The following WDR7 variants were observed in gnomAD, a reference collection of about 807,000 sequenced individuals.
The protein encoded by WDR7 is WD repeat domain 7.
In WDR7, 46 loss-of-function variants were observed where a neutral mutation model predicts 169.4. The ratio of observed to expected loss-of-function variants is 0.27; its 90% CI spans 0.21 to 0.35. WDR7 has a LOEUF of 0.35. WDR7 is among the 10% of genes least tolerant of loss of function. The pLI, the probability that WDR7 is intolerant of heterozygous loss-of-function variation, is 1.00. For missense variants in WDR7, 1,534 were observed against 1,859.3 expected (o/e 0.83, Z 3.22); for synonymous variants, 612 against 666.8 (o/e 0.92, Z 1.27).
At chr18:56,758,700 T>C (rs1390281646) in intron 15 of WDR7, among the ~76,000 whole-genome samples, 165 bp from the exon 16 acceptor site, 6 of 152,188 alleles carry the variant, frequency 3.9e-5, no homozygotes. Flanking sequence ...TGGAAAACGT[T>C]AATAGGTCCA....
At chr18:56,880,456 C>G (rs569247004) in intron 21 of WDR7, among the ~76,000 whole-genome samples, 29 of 152,254 alleles carry the variant, frequency 1.9e-4, no homozygotes, top group African/African-American at 6.3e-4. Flanking sequence ...AAGCTAGATT[C>G]AAGTTAAAGC....
intron 20 of WDR7, among the ~76,000 whole-genome samples, chr18:56,870,571 A>C (rs908391698): frequency 6.6e-6 from 1 of 152,228 alleles, no homozygotes; most frequent in Non-Finnish European, 1.5e-5. Flanking sequence ...TAGAATTAAC[A>C]TATTTGATTA....
At chr18:56,824,519 C>T (rs2045162121) in intron 20 of WDR7, among the ~76,000 whole-genome samples, 1 of 152,176 alleles carries the variant, frequency 6.6e-6, no homozygotes, top group South Asian at 2.1e-4. Context: ...ATATTTCAAG[C>T]AGCACTCCTT....
intron 16 of WDR7, among the ~76,000 whole-genome samples, chr18:56,765,250 A>G (rs1477720562): frequency 6.6e-6 from 1 of 151,994 alleles, no homozygotes. Context: ...GATTGTTGAT[A>G]TGGTTAGGTT....
intron 21 of WDR7, among the ~76,000 whole-genome samples, chr18:56,913,972 T>C (rs1031672432): frequency 2.6e-5 from 4 of 152,092 alleles, no homozygotes; most frequent in African/African-American, 7.2e-5. Context: ...GCTTTCAAGT[T>C]GAAAGCAGTC....
intron 1 of WDR7, among the ~76,000 whole-genome samples, chr18:56,668,989 T>C (rs2025078044): frequency 6.6e-6 from 1 of 152,086 alleles, no homozygotes; most frequent in Non-Finnish European, 1.5e-5. Context: ...CTTGATCTTA[T>C]GACATCTTTC....
intron 19 of WDR7, among the ~76,000 whole-genome samples, chr18:56,784,779 T>G (rs2145087568): frequency 6.6e-6 from 1 of 152,340 alleles, no homozygotes. Flanking sequence ...TTTCTGTTTA[T>G]GTATTATGTT....
chr18:56,974,281 G>C (rs778260524), intron 26 of WDR7, among the ~76,000 whole-genome samples: 18 of 151,584 alleles, frequency 1.2e-4, no homozygotes, highest in Non-Finnish European at 2.4e-4. Flanking sequence ...AGCACAACTA[G>C]CATTAGCACA....
intron 1 of WDR7, among the ~76,000 whole-genome samples, chr18:56,661,664 A>C (rs184700323): frequency 4.0e-4 from 61 of 152,308 alleles, no homozygotes; most frequent in South Asian, 1.2e-3. Context: ...CAAATAAGAA[A>C]GTATAATCTT....
At chr18:56,656,973 C>T (rs2024789927) in intron 1 of WDR7, among the ~76,000 whole-genome samples, 1 of 151,990 alleles carries the variant, frequency 6.6e-6, no homozygotes, top group African/African-American at 2.4e-5. Flanking sequence ...CAAGAAAATG[C>T]TATTGATTTT....
chr18:56,708,405 A>G (rs866625068), intron 12 of WDR7, among the ~76,000 whole-genome samples: 10 of 152,184 alleles, frequency 6.6e-5, no homozygotes, highest in Admixed American at 2.6e-4. Context: ...CAGATTAAAA[A>G]TCGCTTGGTC....
intron 26 of WDR7, among the ~76,000 whole-genome samples, chr18:56,967,335 G>A (rs1568291306): frequency 6.6e-6 from 1 of 152,018 alleles, no homozygotes; most frequent in Non-Finnish European, 1.5e-5. Flanking sequence ...CTGCTGTGCT[G>A]CTGACTGTGC....
intron 14 of WDR7, among the ~76,000 whole-genome samples, chr18:56,749,055 T>TA (rs1193179126): frequency 6.6e-6 from 1 of 152,046 alleles, no homozygotes; most frequent in African/African-American, 2.4e-5. Context: ...CTTAGCTATT[T>TA]AAAAATTACA....
chr18:56,916,799 A>C (rs2046633942), intron 21 of WDR7, among the ~76,000 whole-genome samples: 1 of 152,190 alleles, frequency 6.6e-6, no homozygotes, highest in African/African-American at 2.4e-5. Flanking sequence ...TGTAGTGATT[A>C]AAAGAAGTCC....
At chr18:56,799,204 G>A (rs913681975) in intron 19 of WDR7, among the ~76,000 whole-genome samples, 3 of 152,162 alleles carry the variant, frequency 2.0e-5, no homozygotes, top group African/African-American at 7.2e-5. Flanking sequence ...GTATTTGGAG[G>A]TGCCAAGGAA....
chr18:56,906,084 T>C (rs898883143), intron 21 of WDR7, among the ~76,000 whole-genome samples: 5 of 152,172 alleles, frequency 3.3e-5, no homozygotes, highest in African/African-American at 1.2e-4. Flanking sequence ...ACTCCTAATA[T>C]CACCGTAAGA....
At chr18:56,813,937 A>G (rs1415001746) in intron 19 of WDR7, among the ~76,000 whole-genome samples, 1 of 152,144 alleles carries the variant, frequency 6.6e-6, no homozygotes, top group Non-Finnish European at 1.5e-5. Context: ...CAGGAGCTCT[A>G]TGGAATGCTT....
intron 1 of WDR7, among the ~76,000 whole-genome samples, chr18:56,668,381 A>T (rs1361112519): frequency 1.3e-5 from 2 of 152,074 alleles, no homozygotes; most frequent in Non-Finnish European, 2.9e-5. Flanking sequence ...TCTAGTCATC[A>T]TTTCTTCTAG....
At chr18:56,914,542 C>G (rs1174257270) in intron 21 of WDR7, among the ~76,000 whole-genome samples, 1 of 152,168 alleles carries the variant, frequency 6.6e-6, no homozygotes, top group East Asian at 1.9e-4. Context: ...CTCCCTTCCT[C>G]CCTCCTTCCA....
Sources: gnomAD v4.1 joint callset for allele counts (sites outside exome capture counted in the v4.1 genomes callset) on GRCh38, gnomAD v4.1.1 for gene constraint, MANE v1.5 for transcripts, NCBI Gene and HGNC (gene_info 2026-07-23, HGNC 2026-07-21) for gene names.